Variants in NEU3 observed in about 807,000 individuals in gnomAD.
The protein encoded by NEU3 is sialidase-3.
Under a neutral mutation model 11.4 loss-of-function variants are expected in NEU3, and 10 were observed. That is an observed-to-expected ratio of 0.88 (90% confidence interval 0.54 to 1.49). The LOEUF (loss-of-function observed/expected upper bound fraction) is 1.49. NEU3 is among the 40% of genes most tolerant of loss of function. NEU3 has a pLI of 0.00. For synonymous variants in NEU3, 212 were observed against 228.2 expected, an observed-to-expected ratio of 0.93 and a Z score of 0.64; for missense variants, 529 against 581.8, an observed-to-expected ratio of 0.91 and a Z score of 0.93.
At chr11:74,983,900 G>C (rs78159786), upstream of NEU3, among the ~76,000 whole-genome samples, 3,781 of 152,310 alleles carry the variant, frequency 0.025, 167 homozygotes, top group African/African-American at 0.086. Context: ...GGTAGATCCT[G>C]ATGGTTTATG....
At chr11:74,981,629 C>T in the NEU3 span, among the ~76,000 whole-genome samples, 1 of 152,184 alleles carries the variant, frequency 6.6e-6, no homozygotes, top group Non-Finnish European at 1.5e-5. Flanking sequence ...AGTTATTTGT[C>T]TCTGACCCAG....
At chr11:75,020,308 C>G, downstream of NEU3, among the ~76,000 whole-genome samples, 1 of 152,064 alleles carries the variant, frequency 6.6e-6, no homozygotes, top group Non-Finnish European at 1.5e-5. Context: ...CTTTGAGGGA[C>G]TGTTGGGAAG....
chr11:74,993,031 A>G (rs960792529), intron 1 of NEU3, among the ~76,000 whole-genome samples: 4 of 152,214 alleles, frequency 2.6e-5, no homozygotes, highest in Admixed American at 6.5e-5. Flanking sequence ...CCAGGGACCT[A>G]GAAACCAAGA....
chr11:75,013,749 A>G (rs556011267), downstream of NEU3, among the ~76,000 whole-genome samples: 1 of 152,348 alleles, frequency 6.6e-6, no homozygotes, highest in Admixed American at 6.5e-5. Flanking sequence ...TTTGGGTTAT[A>G]CATACATTCT....
At chr11:75,000,552 T>G (rs1948832836) in intron 2 of NEU3, among the ~76,000 whole-genome samples, 1 of 152,162 alleles carries the variant, frequency 6.6e-6, no homozygotes, top group Non-Finnish European at 1.5e-5. Context: ...TTGTAGCATG[T>G]ATCAGAATTT....
At chr11:75,003,073 G>C (rs189377696) in intron 2 of NEU3, among the ~76,000 whole-genome samples, 1 of 152,288 alleles carries the variant, frequency 6.6e-6, no homozygotes, top group Non-Finnish European at 1.5e-5. Context: ...TATGTAGCTA[G>C]GAGTGGAATT....
chr11:74,991,297 C>A (rs1948730073), intron 1 of NEU3, among the ~76,000 whole-genome samples: 1 of 152,152 alleles, frequency 6.6e-6, no homozygotes, highest in African/African-American at 2.4e-5. Flanking sequence ...CTGTTGAGAG[C>A]CTGGGATTGA....
At chr11:74,997,453 T>C (rs1469267842) in intron 2 of NEU3, among the ~76,000 whole-genome samples, 1 of 152,216 alleles carries the variant, frequency 6.6e-6, no homozygotes, top group East Asian at 1.9e-4. Flanking sequence ...TGGTCTGATC[T>C]TTTATCCAGA....
At chr11:74,992,668 T>G (rs1028025051) in intron 1 of NEU3, among the ~76,000 whole-genome samples, 1 of 152,028 alleles carries the variant, frequency 6.6e-6, no homozygotes, top group South Asian at 2.1e-4. Context: ...GGGTAAAATA[T>G]AACAAAGCCG....
chr11:74,997,503 G>T (rs1203554616), intron 2 of NEU3, among the ~76,000 whole-genome samples: 1 of 152,076 alleles, frequency 6.6e-6, no homozygotes, highest in Non-Finnish European at 1.5e-5. Context: ...AGGCTGTTTT[G>T]CTTTCTTATC....
downstream of NEU3, among the ~76,000 whole-genome samples, chr11:75,012,274 C>T (rs1948960906): frequency 6.6e-6 from 1 of 152,172 alleles, no homozygotes; most frequent in South Asian, 2.1e-4. Context: ...GATGTCATGA[C>T]CTACTCCAGT....
chr11:74,984,595 A>G (rs1181871164), upstream of NEU3, among the ~76,000 whole-genome samples: 1 of 152,128 alleles, frequency 6.6e-6, no homozygotes, highest in African/African-American at 2.4e-5. Flanking sequence ...ATATCTTGGA[A>G]GCTCCCTAAC....
chr11:74,984,654 C>T (rs912189105), upstream of NEU3, among the ~76,000 whole-genome samples: 3 of 152,162 alleles, frequency 2.0e-5, no homozygotes, highest in Admixed American at 6.5e-5. Context: ...CTTACTTGAT[C>T]GCATTACTTA....
In NEU3 at chr11:74,994,535, T is replaced by C. The variant is rs1948765677; in HGVS notation, c.121T>C (p.Ser41Pro). The C allele has an allele frequency of 1.9e-6, 3 of 1,612,700 alleles. No individual in the cohort carries two copies. The Admixed American group carries it at 5.0e-5, about 27-fold the overall frequency. The stretch of plus-strand genomic sequence containing the variant: ...GGTCATGGAAGAAGTGACAACATGC[T>C]CCTTCAACAGCCCTCTGTTCCGGCA... ...AEVMEEVTTC[S>P]FNSPLFRQED... The change falls in exon 2 of 3, where the codon TCC (serine) becomes CCC (proline). Residue 41 changes from serine (S) to proline (P), a missense_variant. Transcript: ENST00000294064.
chr11:75,019,245 C>T (rs532532737), downstream of NEU3, among the ~76,000 whole-genome samples: 7 of 152,332 alleles, frequency 4.6e-5, no homozygotes, highest in East Asian at 1.3e-3. Flanking sequence ...TAGAAATTTG[C>T]ATAAGTAAAG....
chr11:74,997,447 C>T (rs1393031452), intron 2 of NEU3, among the ~76,000 whole-genome samples: 5 of 152,200 alleles, frequency 3.3e-5, no homozygotes, highest in Non-Finnish European at 5.9e-5. Context: ...TATGGCTGGT[C>T]TGATCTTTTA....
upstream of NEU3, chr11:74,988,801 C>A (rs1172473366): frequency 1.5e-5 from 7 of 462,936 alleles, no homozygotes; most frequent in Middle Eastern, 5.3e-4. Context: ...GACCGAGCTG[C>A]GGGCTGGAGG....
upstream of NEU3, among the ~76,000 whole-genome samples, chr11:74,987,891 TTTTTTTC>T (rs766754113): frequency 0.11 from 3,212 of 28,652 alleles, 232 homozygotes; most frequent in African/African-American, 0.15. Context: ...TAGGCCTTTT[TTTTTTTC>T]TTTTTTTTTT....
chr11:75,016,354 A>G (rs1017813456), intron 3 of NEU3, among the ~76,000 whole-genome samples: 6 of 152,258 alleles, frequency 3.9e-5, no homozygotes, highest in South Asian at 4.2e-4. Context: ...CCCCAGATTC[A>G]GATTTCTTTG....
Sources: allele counts gnomAD v4.1 joint callset (sites outside exome capture counted in the v4.1 genomes callset), GRCh38; gene constraint gnomAD v4.1.1; transcripts MANE v1.5; gene names NCBI Gene and HGNC (gene_info 2026-07-23, HGNC 2026-07-21).